CERS3: variants seen among roughly 807,000 people sequenced by gnomAD.
The protein encoded by CERS3 is LAG1 homolog, ceramide synthase 3.
A neutral mutation model predicts 50.3 loss-of-function variants in CERS3; 33 were observed. The observed-to-expected ratio is 0.66, with a 90% confidence interval of 0.50 to 0.88. CERS3 has a LOEUF of 0.88. CERS3 is among the 40% of genes least tolerant of loss of function. The pLI is 0.00. For missense variants in CERS3, 470 were observed against 460.3 expected (o/e 1.02, Z -0.19); for synonymous variants, 176 against 155.2 (o/e 1.13, Z -0.99).
intron 2 of CERS3, among the ~76,000 whole-genome samples, chr15:100,520,979 A>T (rs1350451481): frequency 6.6e-6 from 1 of 152,212 alleles, no homozygotes; most frequent in Non-Finnish European, 1.5e-5. Flanking sequence ...TACATACCAC[A>T]GCTTACAATG....
At chr15:100,423,748 T>A (rs2032619738) in intron 11 of CERS3, among the ~76,000 whole-genome samples, 1 of 152,068 alleles carries the variant, frequency 6.6e-6, no homozygotes, top group Non-Finnish European at 1.5e-5. Flanking sequence ...CCCCTGAACC[T>A]AAAACAAAAG....
At chr15:100,460,422 C>T (rs1227318430) in intron 10 of CERS3, among the ~76,000 whole-genome samples, 1 of 152,104 alleles carries the variant, frequency 6.6e-6, no homozygotes, top group Admixed American at 6.6e-5. Flanking sequence ...CCTTCTGGTA[C>T]CCACATTTAT....
At chr15:100,416,439 G>T (rs1417045281) in intron 11 of CERS3, among the ~76,000 whole-genome samples, 1 of 152,214 alleles carries the variant, frequency 6.6e-6, no homozygotes, top group Non-Finnish European at 1.5e-5. Context: ...CAGAATGGGA[G>T]TAAATATTTG....
At chr15:100,532,299 G>A (rs1193781812), upstream of CERS3, among the ~76,000 whole-genome samples, 1 of 152,194 alleles carries the variant, frequency 6.6e-6, no homozygotes, top group Non-Finnish European at 1.5e-5. Flanking sequence ...TCAAAGGAAG[G>A]AATCCCTTCC....
intron 3 of CERS3, among the ~76,000 whole-genome samples, chr15:100,492,844 G>A (rs920081491): frequency 2.0e-5 from 3 of 151,168 alleles, no homozygotes; most frequent in Non-Finnish European, 3.0e-5. Context: ...TTGTCTTTTT[G>A]GTTTTTTACT....
chr15:100,427,302 A>G (rs1427685710), intron 11 of CERS3, among the ~76,000 whole-genome samples: 1 of 152,162 alleles, frequency 6.6e-6, no homozygotes, highest in Non-Finnish European at 1.5e-5. Flanking sequence ...AATAAGGAAA[A>G]TTTTAAAAGT....
In CERS3 at chr15:100,421,809, A is replaced by G. The variant is rs1410192775; in HGVS notation, c.1000-18944T>C. ...TCTACAACTATCTGATCTTTGACAAACCTGAGAAAAACAAGCAATGGGGAA... is the reference window on the plus strand; with the variant it reads ...TCTACAACTATCTGATCTTTGACAAGCCTGAGAAAAACAAGCAATGGGGAA... On this transcript the variant is annotated intron_variant, in intron 11 of 11. Coordinates refer to ENST00000679737, the MANE Select transcript of CERS3 (RefSeq NM_001378789.1). Among the ~76,000 whole-genome samples the G allele has an allele frequency of 8.7e-5, 10 of 114,432 alleles. No individual in the cohort carries two copies. The South Asian group carries it at 2.9e-3, about 33-fold the overall frequency. The allele number at this position is 114,432 out of a possible 152,430, so 75.1% of individuals were successfully genotyped here. A position where few individuals can be genotyped will look rare whatever the true frequency, so the allele number is the denominator to read the frequency against.
At chr15:100,491,122 T>TAA (rs138738369) in intron 3 of CERS3, among the ~76,000 whole-genome samples, 191 bp from the exon 4 acceptor site, 2 of 147,906 alleles carry the variant, frequency 1.4e-5, no homozygotes, top group Non-Finnish European at 3.0e-5. Context: ...AAGCAATGAT[T>TAA]AAAAAAAAAA....
intron 11 of CERS3, among the ~76,000 whole-genome samples, chr15:100,453,501 G>C (rs1289197754): frequency 6.6e-6 from 1 of 152,120 alleles, no homozygotes; most frequent in African/African-American, 2.4e-5. Context: ...GAACATAACT[G>C]AACATAATGA....
intron 2 of CERS3, among the ~76,000 whole-genome samples, chr15:100,508,898 A>G (rs2036258942): frequency 6.6e-6 from 1 of 152,202 alleles, no homozygotes; most frequent in Non-Finnish European, 1.5e-5. Context: ...TAAAAATATC[A>G]GAAGAAATTG....
At chr15:100,523,919 T>C (rs2036712544) in intron 1 of CERS3, among the ~76,000 whole-genome samples, 1 of 152,154 alleles carries the variant, frequency 6.6e-6, no homozygotes, top group Non-Finnish European at 1.5e-5. Flanking sequence ...ACCTGTCACA[T>C]CTAGATTAAT....
At chr15:100,448,773 C>A (rs1267460551) in intron 11 of CERS3, among the ~76,000 whole-genome samples, 1 of 152,250 alleles carries the variant, frequency 6.6e-6, no homozygotes, top group Non-Finnish European at 1.5e-5. Flanking sequence ...GCCCTGATAT[C>A]CCCAGTAGTG....
At chr15:100,518,465 C>T (rs999651895) in intron 2 of CERS3, among the ~76,000 whole-genome samples, 1 of 152,210 alleles carries the variant, frequency 6.6e-6, no homozygotes, top group Admixed American at 6.5e-5. Context: ...TTTACAGATA[C>T]TTCACTTGCA....
At chr15:100,513,912 T>G (rs2036423284) in intron 2 of CERS3, among the ~76,000 whole-genome samples, 1 of 152,158 alleles carries the variant, frequency 6.6e-6, no homozygotes, top group African/African-American at 2.4e-5. Flanking sequence ...CATTTAAGCA[T>G]CTATAAGATC....
intron 2 of CERS3, among the ~76,000 whole-genome samples, chr15:100,510,783 A>G (rs2036316855): frequency 6.6e-6 from 1 of 152,256 alleles, no homozygotes; most frequent in Non-Finnish European, 1.5e-5. Flanking sequence ...CAATTAACTC[A>G]TTAGCCCTGG....
chr15:100,456,126 C>G, intron 10 of CERS3, 80 bp from the exon 11 acceptor site: 17 of 1,083,106 alleles, frequency 1.6e-5, no homozygotes, highest in Non-Finnish European at 2.0e-5. Context: ...AATAGTTTTT[C>G]TCCTAAGCCA....
chr15:100,414,464 T>C (rs76413424), intron 11 of CERS3, among the ~76,000 whole-genome samples: 85,925 of 151,912 alleles, frequency 0.57, 24,541 homozygotes, highest in Non-Finnish European at 0.6. Context: ...AGAGCCTATA[T>C]AGCCAAGACA....
At chr15:100,505,263 G>GCAGTA (rs2036144241) in intron 2 of CERS3, among the ~76,000 whole-genome samples, 1 of 152,168 alleles carries the variant, frequency 6.6e-6, no homozygotes, top group African/African-American at 2.4e-5. Flanking sequence ...ACAACTCAAG[G>GCAGTA]CAGTACAGAT....
At chr15:100,435,818 T>G (rs2033376435) in intron 11 of CERS3, among the ~76,000 whole-genome samples, 1 of 152,194 alleles carries the variant, frequency 6.6e-6, no homozygotes, top group South Asian at 2.1e-4. Flanking sequence ...GTCAAGGGTA[T>G]GAACAGACAC....
Sources: allele counts gnomAD v4.1 joint callset (sites outside exome capture counted in the v4.1 genomes callset), GRCh38; gene constraint gnomAD v4.1.1; transcripts MANE v1.5; gene names NCBI Gene and HGNC (gene_info 2026-07-23, HGNC 2026-07-21).